The following CLYBL variants were observed in gnomAD, a reference collection of about 807,000 sequenced individuals.
CLYBL encodes the protein citramalyl-CoA lyase, also known as citramalyl-CoA lyase, mitochondrial.
In CLYBL, 31 loss-of-function variants were observed where a neutral mutation model predicts 38.9. The ratio of observed to expected loss-of-function variants is 0.80; its 90% CI spans 0.60 to 1.08. CLYBL has a LOEUF of 1.08. CLYBL is among the 50% of genes least tolerant of loss of function. CLYBL has a pLI of 0.00. For missense variants in CLYBL, 434 were observed against 411.6 expected, an observed-to-expected ratio of 1.05 and a Z score of -0.47; for synonymous variants, 171 against 158.6, an observed-to-expected ratio of 1.08 and a Z score of -0.59.
At chr13:99,907,976 G>C (rs2052713711) in intron 9 of CLYBL, among the ~76,000 whole-genome samples, 1 of 152,190 alleles carries the variant, frequency 6.6e-6, no homozygotes, top group Non-Finnish European at 1.5e-5. Flanking sequence ...CGGGGAGGAC[G>C]GTCAGGCTGT....
chr13:99,859,912 C>T (rs916921224), intron 3 of CLYBL, among the ~76,000 whole-genome samples: 15 of 151,886 alleles, frequency 9.9e-5, no homozygotes, highest in African/African-American at 1.7e-4. Flanking sequence ...CGTTTGTGGT[C>T]GGGGCGAGTG....
chr13:99,787,393 G>C (rs2049819763), intron 2 of CLYBL, among the ~76,000 whole-genome samples: 1 of 152,124 alleles, frequency 6.6e-6, no homozygotes, highest in African/African-American at 2.4e-5. Flanking sequence ...ATAAGGAAGG[G>C]ATCCAGTTTC....
At chr13:99,774,815 A>G (rs1442217401) in intron 2 of CLYBL, among the ~76,000 whole-genome samples, 1 of 152,180 alleles carries the variant, frequency 6.6e-6, no homozygotes, top group Admixed American at 6.5e-5. Flanking sequence ...CTTCTCCCAG[A>G]GATTAAAGTA....
chr13:99,734,667 G>A (rs767792771), intron 1 of CLYBL, among the ~76,000 whole-genome samples: 25 of 152,196 alleles, frequency 1.6e-4, no homozygotes, highest in African/African-American at 5.8e-4. Context: ...ATTTGTCCAT[G>A]GCTACACCCA....
chr13:99,698,356 A>T (rs1013018386), intron 1 of CLYBL, among the ~76,000 whole-genome samples: 1 of 151,318 alleles, frequency 6.6e-6, no homozygotes, highest in African/African-American at 2.4e-5. Flanking sequence ...TTAATTGTTA[A>T]ATTAGATGGG....
chr13:99,617,180 A>G (rs2046724391), intron 1 of CLYBL, among the ~76,000 whole-genome samples: 1 of 152,182 alleles, frequency 6.6e-6, no homozygotes, highest in Non-Finnish European at 1.5e-5. Context: ...TGTAAAAGGC[A>G]GTACTTGCTA....
At chr13:99,711,097 T>C (rs2806289) in intron 1 of CLYBL, among the ~76,000 whole-genome samples, 148,187 of 152,064 alleles carry the variant, frequency 0.97, 72,344 homozygotes, top group East Asian at 1. Context: ...AGGCTAGTCT[T>C]GAGCTCCTGG....
At chr13:99,840,907 C>T (rs1448772840) in intron 2 of CLYBL, among the ~76,000 whole-genome samples, 1 of 151,948 alleles carries the variant, frequency 6.6e-6, no homozygotes, top group African/African-American at 2.4e-5. Flanking sequence ...AGCTTACACG[C>T]AGTCCAGATT....
At chr13:99,736,038 C>CTTTTTTTTTTTTTT (rs767129851) in intron 1 of CLYBL, among the ~76,000 whole-genome samples, 2 of 76,198 alleles carry the variant, frequency 2.6e-5, no homozygotes, top group Non-Finnish European at 4.7e-5. Context: ...CGTTTCTTTT[C>CTTTTTTTTTTTTTT]TTTTTTTTTT....
chr13:99,652,055 C>T (rs1244468043), intron 1 of CLYBL, among the ~76,000 whole-genome samples: 2 of 152,168 alleles, frequency 1.3e-5, no homozygotes, highest in Admixed American at 6.6e-5. Context: ...GTAGGCATGC[C>T]GACATGAATC....
At chr13:99,811,047 G>A (rs989647860) in intron 2 of CLYBL, among the ~76,000 whole-genome samples, 8 of 152,170 alleles carry the variant, frequency 5.3e-5, no homozygotes, top group African/African-American at 1.9e-4. Flanking sequence ...CACACACACA[G>A]TGGACCCTGT....
At chr13:99,804,657 T>C (rs572081951) in intron 2 of CLYBL, among the ~76,000 whole-genome samples, 5 of 152,280 alleles carry the variant, frequency 3.3e-5, no homozygotes, top group Non-Finnish European at 5.9e-5. Context: ...AGGCATCACC[T>C]CCAGAAAATA....
At chr13:99,838,936 G>C (rs1735589678) in intron 2 of CLYBL, among the ~76,000 whole-genome samples, 1 of 152,228 alleles carries the variant, frequency 6.6e-6, no homozygotes, top group Non-Finnish European at 1.5e-5. Context: ...ACGGCGCCTG[G>C]CCTACATTTC....
intron 1 of CLYBL, among the ~76,000 whole-genome samples, chr13:99,712,210 CT>C (rs1674886366): frequency 6.6e-6 from 1 of 152,170 alleles, no homozygotes; most frequent in African/African-American, 2.4e-5. Context: ...TATTATACCC[CT>C]GATACACACT....
intron 2 of CLYBL, among the ~76,000 whole-genome samples, chr13:99,809,942 C>T (rs1445137106): frequency 2.0e-5 from 3 of 152,190 alleles, no homozygotes; most frequent in East Asian, 1.9e-4. Context: ...TCATCCATCC[C>T]GACTAGCTCA....
chr13:99,841,763 C>G (rs2051084919), intron 2 of CLYBL, among the ~76,000 whole-genome samples: 1 of 151,750 alleles, frequency 6.6e-6, no homozygotes, highest in Non-Finnish European at 1.5e-5. Context: ...CCCAAAGAAA[C>G]AGGAACACCT....
At position 99,819,342 on chromosome 13, in the gene CLYBL, CA is replaced by C. The variant is rs898405638; in HGVS notation, c.250-39509del. Among the ~76,000 whole-genome samples, 104 of 129,112 alleles carry C rather than the reference CA, an allele frequency of 8.1e-4. 1 individual carries two copies. The East Asian group carries it at 0.01, about 13-fold the overall frequency. 84.7% of individuals were successfully genotyped at this position (129,112 alleles called of 152,430 possible). A position where few individuals can be genotyped will look rare whatever the true frequency, so the allele number is the denominator to read the frequency against. Reference sequence around the variant, plus strand: ...TCTGGGTGACAGTGAAACCCTGTCTCAAAAAAAAAATTAATAGACCCTCAGT... The same window carrying C: ...TCTGGGTGACAGTGAAACCCTGTCTCAAAAAAAAATTAATAGACCCTCAGT... On this transcript the variant is annotated intron_variant, in intron 2 of 8. Coordinates refer to ENST00000339105, the MANE Select transcript of CLYBL (RefSeq NM_206808.5).
intron 1 of CLYBL, among the ~76,000 whole-genome samples, chr13:99,607,880 A>G (rs1429948178): frequency 1.3e-5 from 2 of 151,994 alleles, no homozygotes; most frequent in Non-Finnish European, 2.9e-5. Context: ...AGTGGCTGGC[A>G]TTACAGGTGT....
chr13:99,755,540 C>G (rs966706593), intron 1 of CLYBL, among the ~76,000 whole-genome samples: 3 of 152,170 alleles, frequency 2.0e-5, no homozygotes, highest in African/African-American at 7.2e-5. Flanking sequence ...TGGGCGCCCT[C>G]ACTCCTGGAC....
Sources: gnomAD v4.1 joint callset for allele counts (sites outside exome capture counted in the v4.1 genomes callset) on GRCh38, gnomAD v4.1.1 for gene constraint, MANE v1.5 for transcripts, NCBI Gene and HGNC (gene_info 2026-07-23, HGNC 2026-07-21) for gene names.